Variants in IPO8 observed in about 807,000 individuals in gnomAD.
IPO8 encodes the protein importin 8.
IPO8 carries 65 observed loss-of-function variants against 141.2 expected under a neutral mutation model. The ratio of observed to expected loss-of-function variants is 0.46; its 90% CI spans 0.38 to 0.57. The LOEUF (loss-of-function observed/expected upper bound fraction) is 0.57. Ranked by LOEUF, IPO8 falls within the 20% of genes least tolerant of loss-of-function variation. IPO8 has a pLI of 0.00. For missense variants in IPO8, 980 were observed against 1,246.8 expected, an observed-to-expected ratio of 0.79 and a Z score of 3.22; for synonymous variants, 411 against 420.3, an observed-to-expected ratio of 0.98 and a Z score of 0.27.
intron 2 of IPO8, among the ~76,000 whole-genome samples, chr12:30,687,959 C>T (rs554746193): frequency 6.6e-6 from 1 of 152,248 alleles, no homozygotes; most frequent in South Asian, 2.1e-4. Flanking sequence ...TCTGTCACCA[C>T]TGATGACCTC....
At position 30,695,523 on chromosome 12, in the gene IPO8, C is replaced by A; in HGVS notation, c.84+41G>T. On this transcript the variant is annotated intron_variant, in intron 1 of 24. Transcript: ENST00000256079. The surrounding 1 kb of genome is among the most constrained non-coding windows in gnomAD (Gnocchi z 4.2). ...GGAGCCCGGCCAGCCGGCAGGGGCG[C>A]CCCTTCGGCGGAAGAGGGTCGCCGA... 1 of 1,575,894 alleles carries A rather than the reference C, an allele frequency of 6.3e-7. No individual in the cohort carries two copies. Among genetic ancestry groups the A allele is most frequent in the Non-Finnish European group, 8.7e-7 (1 of 1,146,954 alleles).
chr12:30,656,951 C>T (rs2052808843), intron 16 of IPO8, among the ~76,000 whole-genome samples: 1 of 151,834 alleles, frequency 6.6e-6, no homozygotes, highest in Non-Finnish European at 1.5e-5. Flanking sequence ...AAATCCATAA[C>T]AATTTATATT....
intron 2 of IPO8, among the ~76,000 whole-genome samples, 171 bp downstream of exon 2, chr12:30,690,325 C>T (rs972624992): frequency 6.6e-6 from 1 of 152,178 alleles, no homozygotes; most frequent in Non-Finnish European, 1.5e-5. Flanking sequence ...TCAGTATCTA[C>T]CTCTAAATTT....
chr12:30,662,757 A>T (rs1457220623), intron 14 of IPO8, among the ~76,000 whole-genome samples: 1 of 152,176 alleles, frequency 6.6e-6, no homozygotes, highest in Non-Finnish European at 1.5e-5. Flanking sequence ...CCCCACTGAG[A>T]AATTCTAATT....
Position 30,663,666 on chromosome 12 carries a change from A to G in IPO8, c.1429-12T>C. ...AGTACCCAGCAAGACTGTATTATTA[A>G]AAAAGGTAAGTAGGGAGCTATTAGG... On this transcript the variant is annotated splice_polypyrimidine_tract_variant and intron_variant, in intron 13 of 24. Transcript: ENST00000256079. 1 of 1,589,690 alleles carries G rather than the reference A, an allele frequency of 6.3e-7. No homozygotes were observed. The highest frequency in any genetic ancestry group is 8.5e-7 in the Non-Finnish European group (1 of 1,172,076).
Position 30,674,055 on chromosome 12 carries a change from C to T in IPO8, c.844G>A (p.Val282Ile), listed in dbSNP as rs775188351. The stretch of plus-strand genomic sequence containing the variant: ...GAAAATTCAAAGTATTCTTTTGTGA[C>T]ATTTCCTGGGCTTCCATATCTTAAA... The part of the protein sequence containing the change: ...LFERYGSPGN[V>I]TKEYFEFSEF... Residue 282 changes from valine to isoleucine, a missense_variant, in exon 8 of 25, where the codon GTC (valine) becomes ATC (isoleucine). By Grantham distance (29) the Val-to-Ile change is conservative (BLOSUM62 3). Around this residue, in one of 3 missense-constraint regions of IPO8, gnomAD observed 924 missense variants for 1,153.9 expected, o/e 0.80. Transcript: ENST00000256079. 1 of 1,585,160 alleles carries T rather than the reference C, an allele frequency of 6.3e-7. No homozygotes were observed. Among genetic ancestry groups the T allele is most frequent in the East Asian group, 2.3e-5 (1 of 44,378 alleles).
intron 15 of IPO8, 46 bp from the exon 16 acceptor site, chr12:30,661,312 C>T (rs201178075): frequency 7.3e-6 from 11 of 1,497,180 alleles, no homozygotes; most frequent in Middle Eastern, 1.8e-4. Flanking sequence ...AGTACTGTTA[C>T]GTCCCCGCTT....
At chr12:30,634,931 A>G (rs2052481079) in intron 22 of IPO8, among the ~76,000 whole-genome samples, 1 of 152,170 alleles carries the variant, frequency 6.6e-6, no homozygotes, top group Non-Finnish European at 1.5e-5. Context: ...CTAAGTGTCC[A>G]TCAACAACGG....
chr12:30,662,990 G>A (rs1442163453), intron 14 of IPO8, among the ~76,000 whole-genome samples: 2 of 151,528 alleles, frequency 1.3e-5, no homozygotes, highest in African/African-American at 2.4e-5. Context: ...TCATAAAGCT[G>A]AACTTACTTT....
chr12:30,695,477 G>T lies in IPO8; in HGVS notation c.84+87C>A. The T allele has an allele frequency of 8.3e-7, 1 of 1,202,624 alleles. No homozygotes were observed. The highest frequency in any genetic ancestry group is 1.2e-6 in the Non-Finnish European group (1 of 820,898). 74.5% of individuals were successfully genotyped at this position (1,202,624 alleles called of 1,614,324 possible). ...TCAGCCCCAGCCCGGTGGGGGTGAG[G>T]ACGAGGGGCGCCGGGGAGAGGGAGC... On this transcript the variant is annotated intron_variant, in intron 1 of 24. Transcript: ENST00000256079. The surrounding 1 kb of genome is among the most constrained non-coding windows in gnomAD (Gnocchi z 4.2).
At chr12:30,661,817 T>C (rs924281378) in intron 15 of IPO8, among the ~76,000 whole-genome samples, 2 of 152,180 alleles carry the variant, frequency 1.3e-5, no homozygotes, top group Non-Finnish European at 2.9e-5. Context: ...ATTAAAACTT[T>C]AGAAAGCACA....
intron 2 of IPO8, among the ~76,000 whole-genome samples, chr12:30,689,669 C>G (rs948529496): frequency 6.6e-6 from 1 of 152,186 alleles, no homozygotes; most frequent in Non-Finnish European, 1.5e-5. Flanking sequence ...AACTGTTCAT[C>G]TATCCTTCTA....
intron 2 of IPO8, among the ~76,000 whole-genome samples, chr12:30,684,730 A>T (rs1407426706): frequency 6.6e-6 from 1 of 152,254 alleles, no homozygotes; most frequent in Non-Finnish European, 1.5e-5. Context: ...CATAGTAAAC[A>T]TACTTTGAGA....
At chr12:30,659,993 C>T (rs990029040) in intron 16 of IPO8, among the ~76,000 whole-genome samples, 34 of 151,946 alleles carry the variant, frequency 2.2e-4, no homozygotes, top group African/African-American at 7.5e-4. Context: ...GAGGCTGAAG[C>T]GGGTGGATCA....
At chr12:30,674,616 G>C in intron 7 of IPO8, 43 bp downstream of exon 7, 2 of 1,338,550 alleles carry the variant, frequency 1.5e-6, no homozygotes, top group Non-Finnish European at 2.2e-6. Context: ...CTGATACTGA[G>C]ATACTGGCTG....
rs1474646373 is a variant in IPO8, at chr12:30,654,500, A to G, written c.1949-1408T>C. The stretch of plus-strand genomic sequence containing the variant: ...AATGAAGATTTAATATCCAAAATAT[A>G]TAAGGAACTCAAACCATTCAGTAGA... On this transcript the variant is annotated intron_variant, in intron 17 of 24. Transcript: ENST00000256079. Among the ~76,000 whole-genome samples, 4 of 152,202 alleles carry G rather than the reference A, an allele frequency of 2.6e-5. No homozygotes were observed. In the East Asian group the frequency reaches 7.7e-4, roughly 29 times the overall value.
rs767179345 is a variant in IPO8 at position 30,637,133 on chromosome 12, T to A, written c.2544A>T (p.Gln848His). Residue 848 changes from glutamine to histidine, a missense_variant, in exon 22 of 25, where the codon CAA becomes CAT. Gln to His is a conservative substitution (Grantham distance 24). This residue lies in a region of IPO8 where 924 missense variants were observed against 1,153.9 expected (regional missense o/e 0.80). Coordinates refer to ENST00000256079, the MANE Select transcript of IPO8 (RefSeq NM_006390.4). ...CAGCATCTACTGCAGGAGGTCGATT[T>A]TGCAATTCCAAAAGGATACTCAGTC... Reference protein sequence around the residue: ...IIGLSILLELQNRPPAVDAVV... With the variant: ...IIGLSILLELHNRPPAVDAVV... 3 of 1,613,956 alleles carry A rather than the reference T, an allele frequency of 1.9e-6. No homozygotes were observed. Among genetic ancestry groups the A allele is most frequent in the Non-Finnish European group, 2.5e-6 (3 of 1,179,964 alleles).
At chr12:30,647,306 T>C (rs79441677) in intron 20 of IPO8, among the ~76,000 whole-genome samples, 194 of 152,062 alleles carry the variant, frequency 1.3e-3, no homozygotes, top group South Asian at 3.1e-3. Context: ...AAAAATTAAC[T>C]CAAAATAGAT....
rs755566633 is a variant in IPO8, at chr12:30,661,234, A to T, written c.1788T>A (p.Asp596Glu). 17 of 1,597,540 alleles carry T rather than the reference A, an allele frequency of 1.1e-5. No homozygotes were observed. Among genetic ancestry groups the T allele is most frequent in the Non-Finnish European group, 1.4e-5 (17 of 1,172,870 alleles). ...AEIFGKVLQSDEYEEVEDKTV... is the reference protein window; with the variant it reads ...AEIFGKVLQSEEYEEVEDKTV... Reference sequence around the variant, plus strand: ...TTTTGTCTTCAACTTCTTCATATTCATCACTTTGAAGAACTTTGCCAAATA... The same window carrying T: ...TTTTGTCTTCAACTTCTTCATATTCTTCACTTTGAAGAACTTTGCCAAATA... The change falls in exon 16 of 25, where the codon GAT (aspartate) becomes GAA (glutamate). Residue 596 changes from aspartate to glutamate, a missense_variant. Physicochemically the swap from Asp to Glu is conservative, Grantham distance 45. Transcript: ENST00000256079.
Sources: gnomAD v4.1 joint callset for allele counts (sites outside exome capture counted in the v4.1 genomes callset) on GRCh38, gnomAD v4.1.1 for gene constraint, gnomAD v4.1.1 regional missense constraint, Gnocchi (gnomAD v3.1) non-coding constraint, MANE v1.5 for transcripts, NCBI Gene and HGNC (gene_info 2026-07-23, HGNC 2026-07-21) for gene names.